ABCB7: variants seen among roughly 807,000 people sequenced by gnomAD.
The protein encoded by ABCB7 is ATP binding cassette subfamily B member 7.
In ABCB7, 7 loss-of-function variants were observed where a neutral mutation model predicts 54.4. The observed-to-expected ratio is 0.13, with a 90% CI of 0.07 to 0.24. ABCB7 has a LOEUF of 0.24. Among genes scored for constraint, ABCB7 ranks in the 10% least tolerant of loss-of-function variants. ABCB7 has a pLI of 1.00. For missense variants in ABCB7, 356 were observed against 570.4 expected, an observed-to-expected ratio of 0.62 and a Z score of 3.83; for synonymous variants, 218 against 207.1, an observed-to-expected ratio of 1.05 and a Z score of -0.45.
At chrX:75,082,036 C>T (rs778471339) in intron 4 of ABCB7, among the ~76,000 whole-genome samples, 25 of 110,623 alleles carry the variant, frequency 2.3e-4, no homozygotes, top group African/African-American at 7.9e-4. Context: ...AAAAAAGTAC[C>T]AACGAAATAA....
intron 4 of ABCB7, among the ~76,000 whole-genome samples, chrX:75,092,176 T>C (rs1397267328): frequency 1.8e-5 from 2 of 111,157 alleles, no homozygotes; most frequent in African/African-American, 6.5e-5. Context: ...TAAGACTTAC[T>C]CTATGAAGCT....
intron 8 of ABCB7, among the ~76,000 whole-genome samples, 170 bp downstream of exon 8, chrX:75,073,519 A>G (rs1453175271): frequency 1.8e-5 from 2 of 112,039 alleles, no homozygotes; most frequent in African/African-American, 3.2e-5. Flanking sequence ...AAAAACTGAG[A>G]AGGAAAGAGG....
chrX:75,150,914 C>A (rs1344143289), intron 1 of ABCB7, among the ~76,000 whole-genome samples: 2 of 110,882 alleles, frequency 1.8e-5, no homozygotes, highest in Admixed American at 9.7e-5. Context: ...TACCCCGCTG[C>A]CCAGTGACAA....
chrX:75,117,730 T>C (rs1056040462), intron 1 of ABCB7, among the ~76,000 whole-genome samples: 2 of 111,311 alleles, frequency 1.8e-5, no homozygotes, highest in African/African-American at 3.3e-5. Context: ...ACTTTTTTCC[T>C]CCCCAAAAGG....
intron 4 of ABCB7, among the ~76,000 whole-genome samples, chrX:75,080,996 G>C (rs149346701): frequency 9.0e-6 from 1 of 111,298 alleles, no homozygotes; most frequent in East Asian, 2.8e-4. Flanking sequence ...TCTTCTGCCA[G>C]GAGCCAATAG....
rs183292981 is a variant in ABCB7, at chrX:75,088,944, T to A, written c.453+9998A>T. Among the ~76,000 whole-genome samples the A allele has an allele frequency of 5.8e-3, 592 of 101,687 alleles. 3 individuals carry two copies. Among genetic ancestry groups the A allele is most frequent in the Non-Finnish European group, 9.7e-3 (477 of 49,359 alleles). 88.3% of individuals were successfully genotyped at this position (101,687 alleles called of 115,157 possible). On this transcript the variant is annotated intron_variant, in intron 4 of 15. Coordinates refer to ENST00000373394, the MANE Select transcript of ABCB7 (RefSeq NM_001271696.3). The stretch of plus-strand genomic sequence containing the variant: ...AAACTACAAAAATCAAAGACAAAAA[T>A]AATCTTAAAAGAAGCCAGGGGAATC...
chrX:75,106,811 G>T (rs983643311), intron 3 of ABCB7, among the ~76,000 whole-genome samples: 6 of 111,516 alleles, frequency 5.4e-5, no homozygotes, highest in Non-Finnish European at 7.5e-5. Flanking sequence ...TGCAGAGCAC[G>T]ATGGTGGACT....
At chrX:75,099,679 A>C (rs975822033) in intron 3 of ABCB7, among the ~76,000 whole-genome samples, 2 of 111,070 alleles carry the variant, frequency 1.8e-5, no homozygotes, top group African/African-American at 6.5e-5. Context: ...TTCCCATTAA[A>C]TTCTTTTGCT....
At chrX:75,112,479 T>C (rs1210433050) in intron 3 of ABCB7, among the ~76,000 whole-genome samples, 1 of 111,577 alleles carries the variant, frequency 9.0e-6, no homozygotes, top group Non-Finnish European at 1.9e-5. Flanking sequence ...AGATAGAGGA[T>C]TTACCATGAA....
chrX:75,095,294 G>C, intron 4 of ABCB7, among the ~76,000 whole-genome samples: 1 of 111,670 alleles, frequency 9.0e-6, no homozygotes, highest in Non-Finnish European at 1.9e-5. Context: ...AATATGTGGA[G>C]GAGGTAGGAA....
chrX:75,086,730 G>A (rs1431239519), intron 4 of ABCB7, among the ~76,000 whole-genome samples: 1 of 111,945 alleles, frequency 8.9e-6, no homozygotes, highest in African/African-American at 3.3e-5. Flanking sequence ...AACCAGACAA[G>A]GTAAGGTAGG....
intron 1 of ABCB7, among the ~76,000 whole-genome samples, chrX:75,123,936 T>C (rs756216984): frequency 8.9e-6 from 1 of 112,156 alleles, no homozygotes; most frequent in Admixed American, 9.5e-5. Context: ...CAATAAAACT[T>C]TATGTATGAA....
At chrX:75,075,797 G>C (rs1435579122) in intron 5 of ABCB7, among the ~76,000 whole-genome samples, 167 bp from the exon 6 acceptor site, 1 of 111,798 alleles carries the variant, frequency 8.9e-6, no homozygotes, top group Non-Finnish European at 1.9e-5. Flanking sequence ...AGCCTAATGA[G>C]TATTAACTTT....
In ABCB7 at chrX:75,114,665, G is replaced by C. The variant is rs1411210351; in HGVS notation, c.246+89C>G. 10 of 733,430 alleles carry C rather than the reference G, an allele frequency of 1.4e-5. No homozygotes were observed. The East Asian group carries it at 4.0e-4, about 29-fold the overall frequency. 60.4% of individuals were successfully genotyped at this position (733,430 alleles called of 1,213,427 possible). A position where few individuals can be genotyped will look rare whatever the true frequency, so the allele number is the denominator to read the frequency against. On this transcript the variant is annotated intron_variant, in intron 2 of 15. Transcript: ENST00000373394. ...GCATTTAGAAAAACACAAAAAGGGA[G>C]ATGTAAAATATGTAGTATAAATTGG...
intron 15 of ABCB7, among the ~76,000 whole-genome samples, chrX:75,058,433 A>G (rs1044539821): frequency 1.8e-5 from 2 of 111,756 alleles, no homozygotes; most frequent in Non-Finnish European, 3.8e-5. Flanking sequence ...AATGTATCCA[A>G]CCTTCCATGT....
At chrX:75,087,917 A>G (rs2081512112) in intron 4 of ABCB7, among the ~76,000 whole-genome samples, 1 of 111,989 alleles carries the variant, frequency 8.9e-6, no homozygotes, top group Non-Finnish European at 1.9e-5. Flanking sequence ...AGAGCAATTG[A>G]CTTGCAGTCT....
chrX:75,054,396 C>A (rs2081219105), intron 15 of ABCB7, among the ~76,000 whole-genome samples: 1 of 111,864 alleles, frequency 8.9e-6, no homozygotes, highest in South Asian at 3.7e-4. Context: ...TCATACTATC[C>A]CACATTCCCA....
At chrX:75,097,532 GAA>G (rs887494424) in intron 4 of ABCB7, 1 of 111,591 alleles carries the variant, frequency 9.0e-6, no homozygotes, top group African/African-American at 3.3e-5. Flanking sequence ...GTTCATATCT[GAA>G]CACTCTGCAA....
At chrX:75,075,972 C>T (rs1036776756) in intron 5 of ABCB7, among the ~76,000 whole-genome samples, 1 of 110,987 alleles carries the variant, frequency 9.0e-6, no homozygotes, top group African/African-American at 3.3e-5. Flanking sequence ...TCCTAAATAA[C>T]AAGTGATAAA....
Sources: gnomAD v4.1 joint callset for allele counts (sites outside exome capture counted in the v4.1 genomes callset) on GRCh38, gnomAD v4.1.1 for gene constraint, MANE v1.5 for transcripts, NCBI Gene and HGNC (gene_info 2026-07-23, HGNC 2026-07-21) for gene names.